Variants in CTNNA2 observed in about 807,000 individuals in gnomAD.
The protein encoded by CTNNA2 is catenin alpha-2.
Under a neutral mutation model 101.0 loss-of-function variants are expected in CTNNA2, and 42 were observed. The observed-to-expected ratio is 0.42, with a 90% confidence interval of 0.32 to 0.54. The LOEUF (loss-of-function observed/expected upper bound fraction) is 0.54. Among genes scored for constraint, CTNNA2 ranks in the 20% least tolerant of loss-of-function variants. The pLI is 0.14. For missense variants in CTNNA2, 871 were observed against 1,223.1 expected, an observed-to-expected ratio of 0.71 and a Z score of 4.29; for synonymous variants, 450 against 456.4, an observed-to-expected ratio of 0.99 and a Z score of 0.18.
At chr2:79,290,604 G>A (rs1445496507) in intron 2 of CTNNA2, among the ~76,000 whole-genome samples, 2 of 152,066 alleles carry the variant, frequency 1.3e-5, no homozygotes, top group Non-Finnish European at 2.9e-5. Flanking sequence ...ACACACAAGC[G>A]GCTGGACATC....
chr2:79,659,020 C>A (rs1681821635), intron 2 of CTNNA2, among the ~76,000 whole-genome samples: 1 of 151,600 alleles, frequency 6.6e-6, no homozygotes, highest in African/African-American at 2.4e-5. Flanking sequence ...CAATTTTCTC[C>A]CTCTTTATAT....
intron 3 of CTNNA2, among the ~76,000 whole-genome samples, chr2:79,758,728 A>C (rs985786695): frequency 5.9e-5 from 9 of 152,192 alleles, no homozygotes. Flanking sequence ...TAATTCACTT[A>C]GGATAATGGT....
intron 9 of CTNNA2, among the ~76,000 whole-genome samples, chr2:80,515,054 A>G (rs1004725742): frequency 6.6e-6 from 1 of 152,058 alleles, no homozygotes; most frequent in Non-Finnish European, 1.5e-5. Context: ...CTCCTTTTGC[A>G]GGGAGATTTG....
At chr2:80,216,185 G>T (rs1167500387) in intron 7 of CTNNA2, among the ~76,000 whole-genome samples, 1 of 152,120 alleles carries the variant, frequency 6.6e-6, no homozygotes, top group Non-Finnish European at 1.5e-5. Context: ...CTAAGAAAGG[G>T]AATTCCCCGA....
At chr2:79,246,095 C>G (rs1473574749) in intron 2 of CTNNA2, among the ~76,000 whole-genome samples, 1 of 152,162 alleles carries the variant, frequency 6.6e-6, no homozygotes, top group Non-Finnish European at 1.5e-5. Context: ...GAAGTGGAGT[C>G]TGATTTTGTG....
rs76657865 is a variant in CTNNA2 at position 80,196,740 on chromosome 2, G to C, written c.1057-196471G>C. Among the ~76,000 whole-genome samples, 46 of 152,244 alleles carry C rather than the reference G, an allele frequency of 3.0e-4. 1 individual carries two copies. The East Asian group carries it at 8.1e-3, about 27-fold the overall frequency. On this transcript the variant is annotated intron_variant, in intron 7 of 18. Coordinates refer to ENST00000402739, the MANE Select transcript of CTNNA2 (RefSeq NM_001282597.3). ...GCCCAAGTCATCACCATCTGTCTCT[G>C]AACTACTACAATAATTTTCTGTTCT...
chr2:80,048,981 C>T (rs1358467863), intron 7 of CTNNA2, among the ~76,000 whole-genome samples: 3 of 152,082 alleles, frequency 2.0e-5, no homozygotes, highest in Non-Finnish European at 4.4e-5. Flanking sequence ...GGTTAAAAGA[C>T]AGGCTGGGGC....
rs144665028 is a variant in CTNNA2, at chr2:80,321,181, G to A, written c.1057-72030G>A. Among the ~76,000 whole-genome samples the A allele has an allele frequency of 3.9e-5, 6 of 152,242 alleles. No individual in the cohort carries two copies. In the East Asian group the frequency reaches 1.2e-3, roughly 29 times the overall value. ...GAAAAGTTAATTATGGATATAACAT[G>A]GAAGAACTTGATAAACCCTCAAGTA... On this transcript the variant is annotated intron_variant, in intron 7 of 18. Transcript: ENST00000402739.
chr2:80,378,444 T>TACAC (rs3040572), intron 7 of CTNNA2, among the ~76,000 whole-genome samples: 2,945 of 147,874 alleles, frequency 0.02, 33 homozygotes, highest in African/African-American at 0.034. Context: ...ACTTGCAGTA[T>TACAC]ACACACACAC....
chr2:79,821,167 T>C (rs796999140), intron 3 of CTNNA2, among the ~76,000 whole-genome samples: 13 of 152,278 alleles, frequency 8.5e-5, no homozygotes, highest in African/African-American at 2.9e-4. Flanking sequence ...ATAAAGATAA[T>C]TCCTTCAATA....
At chr2:80,589,899 TGTGTG>T (rs1254778895) in intron 15 of CTNNA2, among the ~76,000 whole-genome samples, 70 of 144,630 alleles carry the variant, frequency 4.8e-4, no homozygotes, top group African/African-American at 1.2e-3. Flanking sequence ...TGTGTGTGTG[TGTGTG>T]TGCGCGCGCG....
chr2:79,669,545 C>T (rs563874092), intron 2 of CTNNA2, among the ~76,000 whole-genome samples: 11 of 152,252 alleles, frequency 7.2e-5, no homozygotes, highest in East Asian at 5.8e-4. Context: ...TGGGCAGCTC[C>T]GCTCTATAGG....
intron 7 of CTNNA2, among the ~76,000 whole-genome samples, chr2:80,280,764 C>T (rs1021742867): frequency 2.0e-5 from 3 of 152,190 alleles, no homozygotes; most frequent in South Asian, 2.1e-4. Context: ...CTGTCCTGCT[C>T]AGTCCTGTCT....
chr2:80,246,825 G>A (rs773574116), intron 7 of CTNNA2, among the ~76,000 whole-genome samples: 1 of 152,144 alleles, frequency 6.6e-6, no homozygotes, highest in Non-Finnish European at 1.5e-5. Flanking sequence ...TTAGCTCCAG[G>A]CCACTTACAT....
chr2:79,222,369 A>G (rs903702571), intron 2 of CTNNA2, among the ~76,000 whole-genome samples: 6 of 152,182 alleles, frequency 3.9e-5, no homozygotes, highest in Admixed American at 3.9e-4. Flanking sequence ...ATCCTTCTGC[A>G]GGAATCTGGT....
At position 80,077,475 on chromosome 2, in the gene CTNNA2, G is replaced by A. The variant is rs116529118; in HGVS notation, c.1056+167678G>A. 5.8e-3 allele frequency among the ~76,000 whole-genome samples: 880 copies of A among 151,924 alleles called. 8 individuals carry two copies. Among genetic ancestry groups the A allele is most frequent in the African/African-American group, 0.02 (822 of 41,458 alleles). On this transcript the variant is annotated intron_variant, in intron 7 of 18. Coordinates refer to ENST00000402739, the MANE Select transcript of CTNNA2 (RefSeq NM_001282597.3). ...AAACAACAACAACTAGCGGTTAGGC[G>A]TGGTGTCCCACACCTTTAATCCCAG...
chr2:79,653,307 AT>A (rs35467569), intron 2 of CTNNA2, among the ~76,000 whole-genome samples: 71,772 of 151,918 alleles, frequency 0.47, 17,287 homozygotes, highest in East Asian at 0.7. Context: ...TTGAGTGTCC[AT>A]TCAGCCTTCG....
rs535980984 is a variant in CTNNA2 at position 80,157,583 on chromosome 2, T to C, written c.1057-235628T>C. ...CCGTATCAAGTGGAACTTGGGCAAA[T>C]GAATGGTTTCTATTTTTTTTTCTCA... On this transcript the variant is annotated intron_variant, in intron 7 of 18. Transcript: ENST00000402739. Among the ~76,000 whole-genome samples, 4 of 152,240 alleles carry C rather than the reference T, an allele frequency of 2.6e-5. No homozygotes were observed. In the South Asian group the frequency reaches 8.3e-4, roughly 32 times the overall value.
At chr2:80,403,500 T>A (rs1354352311) in intron 8 of CTNNA2, among the ~76,000 whole-genome samples, 1 of 152,244 alleles carries the variant, frequency 6.6e-6, no homozygotes, top group Admixed American at 6.5e-5. Flanking sequence ...GACATGGGCT[T>A]TTTATGGCAT....
Sources: gnomAD v4.1 joint callset for allele counts (sites outside exome capture counted in the v4.1 genomes callset) on GRCh38, gnomAD v4.1.1 for gene constraint, MANE v1.5 for transcripts, NCBI Gene and HGNC (gene_info 2026-07-23, HGNC 2026-07-21) for gene names.